Variants in ANO4 observed in about 807,000 individuals in gnomAD.
ANO4 encodes anoctamin 4.
Under a neutral mutation model 141.9 loss-of-function variants are expected in ANO4, and 69 were observed. The observed-to-expected ratio is 0.49, with a 90% CI of 0.40 to 0.59. The LOEUF is 0.59. Ranked by LOEUF, ANO4 falls within the 20% of genes least tolerant of loss-of-function variation. ANO4 has a pLI of 0.00. For missense variants in ANO4, 894 were observed against 1,162.2 expected, an observed-to-expected ratio of 0.77 and a Z score of 3.36; for synonymous variants, 350 against 394.3, an observed-to-expected ratio of 0.89 and a Z score of 1.33.
intron 1 of ANO4, among the ~76,000 whole-genome samples, chr12:100,896,921 T>C (rs556545740): frequency 1.3e-5 from 2 of 152,170 alleles, no homozygotes; most frequent in African/African-American, 2.4e-5. Context: ...AGATATAAAC[T>C]CAATTCTCAC....
At chr12:100,840,231 C>T (rs1202121273) in intron 1 of ANO4, among the ~76,000 whole-genome samples, 1 of 152,080 alleles carries the variant, frequency 6.6e-6, no homozygotes, top group Non-Finnish European at 1.5e-5. Flanking sequence ...ATTAACAATC[C>T]GTGTCTTTGT....
At chr12:100,837,504 A>G (rs2036992850) in intron 1 of ANO4, among the ~76,000 whole-genome samples, 1 of 152,098 alleles carries the variant, frequency 6.6e-6, no homozygotes. Flanking sequence ...GACCGGGTGC[A>G]GTGGTTCACA....
intron 9 of ANO4, among the ~76,000 whole-genome samples, chr12:101,033,482 A>AATAATAATAATAAT (rs1566153246): frequency 2.0e-5 from 3 of 152,002 alleles, no homozygotes; most frequent in Admixed American, 6.6e-5. Context: ...ATAATAATAA[A>AATAATAATAATAAT]AATTAACTCA....
chr12:101,015,875 A>G (rs1234184642), intron 8 of ANO4, among the ~76,000 whole-genome samples: 2 of 152,142 alleles, frequency 1.3e-5, no homozygotes, highest in Non-Finnish European at 2.9e-5. Context: ...TGTATGAGAG[A>G]GAGAGAGAGA....
chr12:100,888,860 T>C (rs2039967223), intron 1 of ANO4, among the ~76,000 whole-genome samples: 1 of 151,506 alleles, frequency 6.6e-6, no homozygotes, highest in African/African-American at 2.4e-5. Flanking sequence ...TTTTTCTTTT[T>C]ATAGGTAGTC....
chr12:100,895,521 A>C (rs2040305464), intron 1 of ANO4, among the ~76,000 whole-genome samples: 1 of 151,980 alleles, frequency 6.6e-6, no homozygotes, highest in Admixed American at 6.6e-5. Flanking sequence ...TTTGAGGAGT[A>C]AAGAAAATAT....
intron 3 of ANO4, among the ~76,000 whole-genome samples, chr12:100,742,844 TC>T (rs1565849098): frequency 6.6e-6 from 1 of 152,210 alleles, no homozygotes; most frequent in Non-Finnish European, 1.5e-5. Context: ...GTGACTAACT[TC>T]TATAGTAGAT....
At chr12:100,739,752 G>A in intron 2 of ANO4, 1 of 655,228 alleles carries the variant, frequency 1.5e-6, no homozygotes, top group Non-Finnish European at 2.8e-6. Context: ...AGCTCAAATG[G>A]TATTTGGTTT....
chr12:100,804,897 AG>A (rs1331783352), intron 1 of ANO4, among the ~76,000 whole-genome samples: 2 of 152,094 alleles, frequency 1.3e-5, no homozygotes, highest in African/African-American at 4.8e-5. Flanking sequence ...CCCATTCTGT[AG>A]GTTGTCTGTT....
chr12:100,941,591 G>T (rs1036727787), intron 4 of ANO4, among the ~76,000 whole-genome samples: 1 of 152,048 alleles, frequency 6.6e-6, no homozygotes, highest in Non-Finnish European at 1.5e-5. Flanking sequence ...GTCTGTTCAT[G>T]GACATTTGAG....
chr12:100,872,925 G>C (rs1440721898), intron 1 of ANO4, among the ~76,000 whole-genome samples: 2 of 152,146 alleles, frequency 1.3e-5, no homozygotes, highest in African/African-American at 4.8e-5. Flanking sequence ...TTGATCATGG[G>C]GGCGGATTTC....
intron 18 of ANO4, among the ~76,000 whole-genome samples, chr12:101,095,824 A>G (rs568869275): frequency 6.6e-6 from 1 of 152,192 alleles, no homozygotes; most frequent in African/African-American, 2.4e-5. Flanking sequence ...TGGAGATTTG[A>G]TCTTAAGGGC....
chr12:100,931,979 C>T (rs974288500), intron 3 of ANO4, among the ~76,000 whole-genome samples: 2 of 147,408 alleles, frequency 1.4e-5, no homozygotes, highest in Non-Finnish European at 3.0e-5. Context: ...AAAATATTCC[C>T]GGAGGTGTTC....
chr12:100,878,446 T>C (rs1414658231), intron 1 of ANO4, among the ~76,000 whole-genome samples: 2 of 152,212 alleles, frequency 1.3e-5, no homozygotes, highest in Non-Finnish European at 2.9e-5. Flanking sequence ...GGTGAAAATA[T>C]CAACACTCAC....
intron 1 of ANO4, among the ~76,000 whole-genome samples, chr12:100,846,028 G>C (rs2037539180): frequency 6.6e-6 from 1 of 152,160 alleles, no homozygotes; most frequent in South Asian, 2.1e-4. Flanking sequence ...AACTCTGGGT[G>C]AATTATTTAG....
At chr12:100,801,661 T>C (rs1296276684) in intron 1 of ANO4, among the ~76,000 whole-genome samples, 6 of 150,940 alleles carry the variant, frequency 4.0e-5, no homozygotes, top group Non-Finnish European at 7.4e-5. Context: ...AGAAAGGGCA[T>C]TCTAGACAGA....
At chr12:101,123,346 G>T (rs1229148800) in intron 26 of ANO4, among the ~76,000 whole-genome samples, 1 of 152,126 alleles carries the variant, frequency 6.6e-6, no homozygotes, top group African/African-American at 2.4e-5. Context: ...GGGTACATGT[G>T]CAGGACATAC....
intron 11 of ANO4, 51 bp downstream of exon 11, chr12:101,040,127 CAGA>C: frequency 6.5e-7 from 1 of 1,530,396 alleles, no homozygotes. Flanking sequence ...ATGATTAGGG[CAGA>C]CTGTCAGCTG....
At chr12:100,959,742 C>T (rs73375043) in intron 5 of ANO4, among the ~76,000 whole-genome samples, 3,380 of 152,250 alleles carry the variant, frequency 0.022, 108 homozygotes, top group African/African-American at 0.074. Flanking sequence ...TCTTCATTGG[C>T]TCTTTCTCAA....
Sources: allele counts gnomAD v4.1 joint callset (sites outside exome capture counted in the v4.1 genomes callset), GRCh38; gene constraint gnomAD v4.1.1; transcripts MANE v1.5; gene names NCBI Gene and HGNC (gene_info 2026-07-23, HGNC 2026-07-21).